The following BCL11A variants were observed in gnomAD, a reference collection of about 807,000 sequenced individuals.
BCL11A encodes B cell CLL/lymphoma 11A.
Under a neutral mutation model 55.9 loss-of-function variants are expected in BCL11A, and 2 were observed. The observed-to-expected ratio is 0.04, with a 90% confidence interval of 0.01 to 0.11. BCL11A has a LOEUF of 0.11. Ranked by LOEUF, BCL11A falls within the 10% of genes least tolerant of loss-of-function variation. The probability of loss-of-function intolerance (pLI) is 1.00; values close to 1 mark genes in which losing one functional copy is unlikely to be tolerated. For synonymous variants in BCL11A, 465 were observed against 473.4 expected, an observed-to-expected ratio of 0.98 and a Z score of 0.23; for missense variants, 817 against 1,137.1, an observed-to-expected ratio of 0.72 and a Z score of 4.05.
chr2:60,514,690 G>C (rs1002562324), intron 2 of BCL11A, among the ~76,000 whole-genome samples: 3 of 151,038 alleles, frequency 2.0e-5, no homozygotes, highest in Non-Finnish European at 4.4e-5. Context: ...AAATTAAATT[G>C]GGTGGGGGAG....
At chr2:60,550,980 G>GGGGGGGGGGGT in intron 1 of BCL11A, 1 of 225,214 alleles carries the variant, frequency 4.4e-6, no homozygotes, top group Admixed American at 5.9e-5. Context: ...AGGGGGTGGG[G>GGGGGGGGGGGT]AGAGGGAGGG....
intron 2 of BCL11A, among the ~76,000 whole-genome samples, chr2:60,514,623 G>A (rs1364392676): frequency 6.6e-6 from 1 of 150,800 alleles, no homozygotes; most frequent in Non-Finnish European, 1.5e-5. Flanking sequence ...AGCCGAGATC[G>A]TAGCACTGCA....
At chr2:60,511,780 C>G (rs886869111) in intron 2 of BCL11A, among the ~76,000 whole-genome samples, 1 of 152,204 alleles carries the variant, frequency 6.6e-6, no homozygotes, top group South Asian at 2.1e-4. Flanking sequence ...ATGTAAGACA[C>G]TAAGGGGCAG....
chr2:60,483,431 T>C (rs113603002), intron 2 of BCL11A, among the ~76,000 whole-genome samples: 16 of 152,304 alleles, frequency 1.1e-4, no homozygotes, highest in African/African-American at 3.6e-4. Flanking sequence ...ACCAGGCAAG[T>C]CCCAGATGAT....
At chr2:60,511,850 G>A (rs1383576339) in intron 2 of BCL11A, among the ~76,000 whole-genome samples, 1 of 152,202 alleles carries the variant, frequency 6.6e-6, no homozygotes, top group African/African-American at 2.4e-5. Context: ...GCAAGGGTTG[G>A]AGGGAGCTTT....
intron 2 of BCL11A, among the ~76,000 whole-genome samples, chr2:60,481,114 C>G (rs1192965374): frequency 6.6e-6 from 1 of 152,080 alleles, no homozygotes. Flanking sequence ...TGGTACAGCC[C>G]AGTGGTGGCC....
chr2:60,512,324 C>T (rs1312857812), intron 2 of BCL11A, among the ~76,000 whole-genome samples: 1 of 152,170 alleles, frequency 6.6e-6, no homozygotes, highest in Non-Finnish European at 1.5e-5. Flanking sequence ...CTGAGCTGTG[C>T]TAGGTAACTG....
At chr2:60,496,231 C>A (rs546811842) in intron 2 of BCL11A, among the ~76,000 whole-genome samples, 1 of 152,326 alleles carries the variant, frequency 6.6e-6, no homozygotes, top group East Asian at 1.9e-4. Context: ...CAATGGAAGT[C>A]CAATACACGT....
chr2:60,467,621 G>C (rs1410074265), intron 3 of BCL11A, among the ~76,000 whole-genome samples: 1 of 86,144 alleles, frequency 1.2e-5, no homozygotes, highest in Non-Finnish European at 2.4e-5. Flanking sequence ...AGTGATGGTG[G>C]TGGTAATGGT....
intron 3 of BCL11A, among the ~76,000 whole-genome samples, chr2:60,462,838 C>G (rs1676392716): frequency 6.6e-6 from 1 of 152,128 alleles, no homozygotes; most frequent in Non-Finnish European, 1.5e-5. Flanking sequence ...CAAGGTGACC[C>G]AAGGAAACTT....
chr2:60,514,874 A>G (rs969533451), intron 2 of BCL11A, among the ~76,000 whole-genome samples: 1 of 60,728 alleles, frequency 1.6e-5, no homozygotes. Context: ...CAGAAAAAAG[A>G]AAAAAAAAAA....
intron 3 of BCL11A, among the ~76,000 whole-genome samples, chr2:60,468,267 T>A (rs954932323): frequency 4.6e-5 from 7 of 152,120 alleles, no homozygotes; most frequent in African/African-American, 1.7e-4. Flanking sequence ...TATACTATGT[T>A]CAAATACACA....
At chr2:60,501,505 C>CT (rs11366853) in intron 2 of BCL11A, among the ~76,000 whole-genome samples, 1,749 of 119,680 alleles carry the variant, frequency 0.015, 36 homozygotes, top group East Asian at 0.034. Context: ...ACACCGCTTT[C>CT]TTTTTTTTTT....
At chr2:60,466,022 T>C (rs1163710343) in intron 3 of BCL11A, among the ~76,000 whole-genome samples, 1 of 152,162 alleles carries the variant, frequency 6.6e-6, no homozygotes, top group Non-Finnish European at 1.5e-5. Context: ...CCAAGTGGAA[T>C]GGGCATCAGG....
intron 2 of BCL11A, among the ~76,000 whole-genome samples, chr2:60,470,993 G>C (rs1203672030): frequency 6.6e-6 from 1 of 152,076 alleles, no homozygotes; most frequent in East Asian, 1.9e-4. Context: ...GTCTTTCCTG[G>C]GAATTTGTCT....
chr2:60,485,348 C>A (rs1237690633), intron 2 of BCL11A, among the ~76,000 whole-genome samples: 3 of 152,232 alleles, frequency 2.0e-5, no homozygotes, highest in Admixed American at 2.0e-4. Flanking sequence ...GGATAGCCTG[C>A]AGTGGGTTAT....
At chr2:60,453,410 T>A (rs1017239712), downstream of BCL11A, among the ~76,000 whole-genome samples, 1 of 152,226 alleles carries the variant, frequency 6.6e-6, no homozygotes, top group Non-Finnish European at 1.5e-5. Flanking sequence ...GGGCTACCAC[T>A]GTGGCATTCC....
At chr2:60,503,409 G>C (rs184438232) in intron 2 of BCL11A, among the ~76,000 whole-genome samples, 1 of 152,352 alleles carries the variant, frequency 6.6e-6, no homozygotes, top group East Asian at 1.9e-4. Flanking sequence ...AGCCAGACAT[G>C]TCCCTGGAAG....
At chr2:60,467,153 G>GTGGTGGTGGTGGTGATGGTGA (rs1676697842) in intron 3 of BCL11A, among the ~76,000 whole-genome samples, 1 of 131,574 alleles carries the variant, frequency 7.6e-6, no homozygotes, top group Admixed American at 7.2e-5. Context: ...GGTGATGGTG[G>GTGGTGGTGGTGGTGATGGTGA]TGGTGGTGGT....
Sources: allele counts gnomAD v4.1 joint callset (sites outside exome capture counted in the v4.1 genomes callset), GRCh38; gene constraint gnomAD v4.1.1; transcripts MANE v1.5; gene names NCBI Gene and HGNC (gene_info 2026-07-23, HGNC 2026-07-21).